Variants in PPFIBP1 observed in about 807,000 individuals in gnomAD.
PPFIBP1 encodes PPFIB scaffold protein 1.
A neutral mutation model predicts 137.8 loss-of-function variants in PPFIBP1; 112 were observed. The ratio of observed to expected loss-of-function variants is 0.81; its 90% CI spans 0.70 to 0.95. The LOEUF is 0.95. PPFIBP1 is among the 40% of genes least tolerant of loss of function. The pLI is 0.00. For missense variants in PPFIBP1, 1,083 were observed against 1,196.6 expected, an observed-to-expected ratio of 0.91 and a Z score of 1.40; for synonymous variants, 378 against 417.3, an observed-to-expected ratio of 0.91 and a Z score of 1.15.
chr12:27,598,674 G>A (rs1399594341), intron 2 of PPFIBP1, among the ~76,000 whole-genome samples: 1 of 152,002 alleles, frequency 6.6e-6, no homozygotes, highest in Non-Finnish European at 1.5e-5. Flanking sequence ...TTTTCTTTCT[G>A]AAGCATCATA....
intron 26 of PPFIBP1, 124 bp from the exon 27 acceptor site, chr12:27,688,891 A>C: frequency 1.2e-6 from 1 of 843,674 alleles, no homozygotes. Flanking sequence ...TGTCTACCTC[A>C]CCGGGCTGTT....
chr12:27,666,928 A>G (rs964943973), intron 12 of PPFIBP1, among the ~76,000 whole-genome samples: 2 of 152,096 alleles, frequency 1.3e-5, no homozygotes, highest in African/African-American at 4.8e-5. Flanking sequence ...ATCGAGTATG[A>G]CTTTGTCTGT....
rs571611900 is a variant in PPFIBP1, at chr12:27,683,691, A to G, written c.2247+988A>G. Among the ~76,000 whole-genome samples the G allele has an allele frequency of 9.2e-5, 14 of 152,394 alleles. No individual in the cohort carries two copies. In the South Asian group the frequency reaches 2.9e-3, roughly 32 times the overall value. Reference sequence around the variant, plus strand: ...ATTCCCTGCTTTACAGCAGTGAGAAAGATGGATTCCAGGAGAACTTTGTTT... The same window carrying G: ...ATTCCCTGCTTTACAGCAGTGAGAAGGATGGATTCCAGGAGAACTTTGTTT... On this transcript the variant is annotated intron_variant, in intron 24 of 29. Transcript: ENST00000228425.
intron 1 of PPFIBP1, among the ~76,000 whole-genome samples, chr12:27,565,530 A>G (rs1462285910): frequency 6.6e-6 from 1 of 151,920 alleles, no homozygotes; most frequent in Non-Finnish European, 1.5e-5. Flanking sequence ...CTCCAGGGTC[A>G]CTTCTTTTCC....
chr12:27,615,586 C>A (rs1314938703), intron 2 of PPFIBP1, among the ~76,000 whole-genome samples: 3 of 152,124 alleles, frequency 2.0e-5, no homozygotes, highest in Middle Eastern at 3.2e-3. Flanking sequence ...TCATCTAGTT[C>A]CAACTTCACA....
At chr12:27,659,853 G>A (rs1282675371) in intron 10 of PPFIBP1, among the ~76,000 whole-genome samples, 1 of 152,166 alleles carries the variant, frequency 6.6e-6, no homozygotes, top group Non-Finnish European at 1.5e-5. Flanking sequence ...GTTGAGGTGA[G>A]AGGATCACTG....
At chr12:27,546,707 C>G (rs1479739213) in intron 1 of PPFIBP1, among the ~76,000 whole-genome samples, 1 of 152,198 alleles carries the variant, frequency 6.6e-6, no homozygotes. Flanking sequence ...GAATTGTTCC[C>G]TGTTCTTAAA....
At chr12:27,685,897 T>C (rs2061174773) in intron 24 of PPFIBP1, among the ~76,000 whole-genome samples, 1 of 152,168 alleles carries the variant, frequency 6.6e-6, no homozygotes, top group African/African-American at 2.4e-5. Flanking sequence ...TTAAAAAAAT[T>C]GGGAAGAAAA....
chr12:27,526,257 G>C (rs978641271), intron 1 of PPFIBP1, among the ~76,000 whole-genome samples: 1 of 152,192 alleles, frequency 6.6e-6, no homozygotes. Context: ...TTATCCTTAT[G>C]TGCCAAATTC....
intron 21 of PPFIBP1, among the ~76,000 whole-genome samples, chr12:27,681,295 T>C (rs2060859049): frequency 6.6e-6 from 1 of 152,238 alleles, no homozygotes; most frequent in Admixed American, 6.5e-5. Flanking sequence ...TTGGTCTTTT[T>C]CTGTAGCACT....
chr12:27,606,349 C>T (rs1354454613), intron 2 of PPFIBP1, among the ~76,000 whole-genome samples: 1 of 152,132 alleles, frequency 6.6e-6, no homozygotes, highest in Non-Finnish European at 1.5e-5. Context: ...TTCTCATGTA[C>T]CCACTTGGTA....
intron 24 of PPFIBP1, among the ~76,000 whole-genome samples, chr12:27,686,187 C>T (rs897234472): frequency 3.9e-5 from 6 of 152,098 alleles, no homozygotes; most frequent in Non-Finnish European, 8.8e-5. Flanking sequence ...ATAATTTTTG[C>T]CTGGTTAGTA....
chr12:27,585,184 A>C (rs1384076231), intron 2 of PPFIBP1, among the ~76,000 whole-genome samples: 1 of 152,236 alleles, frequency 6.6e-6, no homozygotes, highest in African/African-American at 2.4e-5. Flanking sequence ...AAACATCTAG[A>C]ATATTTAGAA....
At chr12:27,691,660 A>C in intron 27 of PPFIBP1, 89 bp from the exon 28 acceptor site, 1 of 983,336 alleles carries the variant, frequency 1.0e-6, no homozygotes, top group East Asian at 2.5e-5. Flanking sequence ...GGGAGGGGGC[A>C]ACGCAAAAAA....
At chr12:27,643,845 T>A (rs1429972458) in intron 4 of PPFIBP1, among the ~76,000 whole-genome samples, 1 of 124,976 alleles carries the variant, frequency 8.0e-6, no homozygotes, top group East Asian at 2.2e-4. Context: ...CTATAGTGAC[T>A]TTTAATATAC....
At chr12:27,684,422 T>C (rs930624418) in intron 24 of PPFIBP1, among the ~76,000 whole-genome samples, 2 of 152,366 alleles carry the variant, frequency 1.3e-5, no homozygotes, top group African/African-American at 4.8e-5. Context: ...AATTCTTTTA[T>C]TTAAACAGCT....
At chr12:27,565,294 G>C (rs1251051008) in intron 1 of PPFIBP1, among the ~76,000 whole-genome samples, 1 of 152,224 alleles carries the variant, frequency 6.6e-6, no homozygotes, top group Non-Finnish European at 1.5e-5. Context: ...ACTCATTGGA[G>C]TCCGGGGAAA....
intron 2 of PPFIBP1, among the ~76,000 whole-genome samples, chr12:27,625,830 C>T (rs1329254355): frequency 3.9e-5 from 6 of 151,958 alleles, no homozygotes; most frequent in East Asian, 3.9e-4. Context: ...GTGATCTGCC[C>T]GCCTTGGCCT....
chr12:27,608,611 C>G, intron 2 of PPFIBP1: 1 of 388,820 alleles, frequency 2.6e-6, no homozygotes, highest in Non-Finnish European at 4.9e-6. Context: ...AGGATTCCCT[C>G]CTTCTTAAAA....
Sources: gnomAD v4.1 joint callset for allele counts (sites outside exome capture counted in the v4.1 genomes callset) on GRCh38, gnomAD v4.1.1 for gene constraint, MANE v1.5 for transcripts, NCBI Gene and HGNC (gene_info 2026-07-23, HGNC 2026-07-21) for gene names.